The following NCAM2 variants were observed in gnomAD, a reference collection of about 807,000 sequenced individuals.
NCAM2 encodes the protein neural cell adhesion molecule 2.
Under a neutral mutation model 98.1 loss-of-function variants are expected in NCAM2, and 30 were observed. The observed-to-expected ratio is 0.31, with a 90% confidence interval of 0.23 to 0.41. The LOEUF (loss-of-function observed/expected upper bound fraction) is 0.41. Ranked by LOEUF, NCAM2 falls within the 10% of genes least tolerant of loss-of-function variation. NCAM2 has a pLI of 1.00. For missense variants in NCAM2, 867 were observed against 1,005.8 expected (o/e 0.86, Z 1.87); for synonymous variants, 368 against 342.4 (o/e 1.07, Z -0.83).
rs1990115696 is a variant in NCAM2, at chr21:21,538,821, T to C, written c.*864T>C. ...TTTATAAATATGTGATTATCATTTATTTTTAAAATAATTTATCAAAAAACA... is the reference window on the plus strand; with the variant it reads ...TTTATAAATATGTGATTATCATTTACTTTTAAAATAATTTATCAAAAAACA... On this transcript the variant is annotated 3_prime_UTR_variant, in exon 18 of 18. Transcript: ENST00000400546. The C allele has an allele frequency of 6.6e-6, 1 of 152,124 alleles. No individual in the cohort carries two copies. The highest frequency in any genetic ancestry group is 2.1e-4 in the South Asian group (1 of 4,826). The allele number at this position is 152,124 out of a possible 1,614,324, so 9.4% of individuals were successfully genotyped here.
In NCAM2 at chr21:21,338,395, C is replaced by G; in HGVS notation, c.905C>G (p.Pro302Arg). 6.2e-7 allele frequency: 1 copy of G among 1,610,396 alleles called. No homozygotes were observed. The highest frequency in any genetic ancestry group is 8.5e-7 in the Non-Finnish European group (1 of 1,177,252). Residue 302 changes from proline (P) to arginine (R), a missense_variant, in exon 8 of 18, where the codon CCT becomes CGT. Physicochemically the swap from Pro to Arg is moderately radical, Grantham distance 103. Coordinates refer to ENST00000400546, the MANE Select transcript of NCAM2 (RefSeq NM_004540.5). ...KQAFLQVFVQ[P>R]HIIQLKNETT... is the part of the protein sequence containing the mutation. ...ATATATATATTCTTTACAGTACAGC[C>G]TCACATAATACAGCTTAAAAATGAA...
rs577136022 is a variant in NCAM2, at chr21:21,079,579, T to G, written c.55+80961T>G. Among the ~76,000 whole-genome samples the G allele has an allele frequency of 1.1e-4, 17 of 150,852 alleles. No individual in the cohort carries two copies. In the South Asian group the frequency reaches 3.6e-3, roughly 32 times the overall value. ...TTTTAGTGAAAATTCTCTTGCCCCC[T>G]TTTTTTTTAGCCACTGCATTCTTTT... On this transcript the variant is annotated intron_variant, in intron 1 of 17. Coordinates refer to ENST00000400546, the MANE Select transcript of NCAM2 (RefSeq NM_004540.5).
intron 16 of NCAM2, among the ~76,000 whole-genome samples, chr21:21,515,645 T>A (rs1988668943): frequency 6.6e-6 from 1 of 152,164 alleles, no homozygotes; most frequent in African/African-American, 2.4e-5. Context: ...ATAGAATTAA[T>A]TCAGTGGAAA....
intron 8 of NCAM2, among the ~76,000 whole-genome samples, chr21:21,351,916 T>A (rs1043038015): frequency 8.6e-4 from 131 of 152,230 alleles, no homozygotes; most frequent in African/African-American, 3.0e-3. Flanking sequence ...CCGGCTAATT[T>A]TTTTATTATT....
chr21:21,265,703 A>T (rs923918166), intron 1 of NCAM2, among the ~76,000 whole-genome samples: 1 of 151,764 alleles, frequency 6.6e-6, no homozygotes, highest in Admixed American at 6.6e-5. Context: ...AGTGGGAGCT[A>T]AGCAACGGAT....
In NCAM2 at chr21:21,286,211, T is replaced by C; in HGVS notation, c.338-58T>C. The C allele has an allele frequency of 2.7e-6, 4 of 1,472,038 alleles. No homozygotes were observed. The South Asian group carries it at 5.0e-5, about 19-fold the overall frequency. 91.2% of individuals were successfully genotyped at this position (1,472,038 alleles called of 1,614,324 possible). Reference sequence around the variant, plus strand: ...GTCTGGATTATGTTATTGGGAGAAATAAGCAATGATACTTTTGTGATTTGT... The same window carrying C: ...GTCTGGATTATGTTATTGGGAGAAACAAGCAATGATACTTTTGTGATTTGT... On this transcript the variant is annotated intron_variant, in intron 3 of 17. Coordinates refer to ENST00000400546, the MANE Select transcript of NCAM2 (RefSeq NM_004540.5).
At chr21:21,537,751 G>T in intron 17 of NCAM2, 95 bp from the exon 18 acceptor site, 1 of 545,468 alleles carries the variant, frequency 1.8e-6, no homozygotes, top group Admixed American at 3.6e-5. Context: ...GCATATTATT[G>T]GAGCATATTT....
chr21:21,524,776 C>A (rs1461563941), intron 16 of NCAM2, among the ~76,000 whole-genome samples: 1 of 151,986 alleles, frequency 6.6e-6, no homozygotes, highest in Non-Finnish European at 1.5e-5. Flanking sequence ...ATATGACACA[C>A]TTTAAAACAT....
chr21:21,318,372 T>C (rs1467738594), intron 5 of NCAM2, among the ~76,000 whole-genome samples: 1 of 152,172 alleles, frequency 6.6e-6, no homozygotes, highest in Non-Finnish European at 1.5e-5. Flanking sequence ...AGACTTCTTT[T>C]GACAAAAATA....
chr21:21,150,377 T>G (rs1428050843), intron 1 of NCAM2, among the ~76,000 whole-genome samples: 8 of 152,262 alleles, frequency 5.3e-5, no homozygotes, highest in African/African-American at 1.9e-4. Context: ...CCAGAAAAAT[T>G]GTGAATAGAG....
At chr21:21,268,499 C>G (rs917326446) in intron 1 of NCAM2, among the ~76,000 whole-genome samples, 18 of 152,142 alleles carry the variant, frequency 1.2e-4, no homozygotes, top group African/African-American at 3.9e-4. Context: ...GCTGTTTTCT[C>G]TCTCTCAAAC....
chr21:21,056,474 A>G (rs1313340410), intron 1 of NCAM2, among the ~76,000 whole-genome samples: 3 of 145,836 alleles, frequency 2.1e-5, no homozygotes, highest in African/African-American at 5.1e-5. Context: ...GTTTAGAGCA[A>G]GTGACAGAGA....
Position 21,125,753 on chromosome 21 carries a change from A to G in NCAM2, c.55+127135A>G, listed in dbSNP as rs558856387. 2.7e-5 allele frequency among the ~76,000 whole-genome samples: 4 copies of G among 147,732 alleles called. No individual in the cohort carries two copies. The East Asian group carries it at 7.8e-4, about 29-fold the overall frequency. On this transcript the variant is annotated intron_variant, in intron 1 of 17. Coordinates refer to ENST00000400546, the MANE Select transcript of NCAM2 (RefSeq NM_004540.5). Reference sequence around the variant, plus strand: ...TTGAGGTTTTCCAGGAAAAGTAGAAACCACATATTCTTTTTTTTCAAACAA... The same window carrying G: ...TTGAGGTTTTCCAGGAAAAGTAGAAGCCACATATTCTTTTTTTTCAAACAA...
intron 1 of NCAM2, among the ~76,000 whole-genome samples, chr21:21,060,206 A>G (rs1329435971): frequency 6.6e-6 from 1 of 152,132 alleles, no homozygotes. Flanking sequence ...TGAAAAAGGT[A>G]GTATTTTGAT....
chr21:21,468,450 C>T (rs1984005008), intron 13 of NCAM2, among the ~76,000 whole-genome samples: 1 of 151,938 alleles, frequency 6.6e-6, no homozygotes, highest in African/African-American at 2.4e-5. Flanking sequence ...CCTCAGGCTA[C>T]AGTTTTGGCA....
chr21:21,159,926 T>C (rs1313024435), intron 1 of NCAM2, among the ~76,000 whole-genome samples: 1 of 151,938 alleles, frequency 6.6e-6, no homozygotes, highest in Non-Finnish European at 1.5e-5. Flanking sequence ...TTGGTCTGGG[T>C]GAGAGATACG....
intron 15 of NCAM2, among the ~76,000 whole-genome samples, chr21:21,485,006 TG>T (rs930283923): frequency 4.6e-5 from 7 of 151,864 alleles, no homozygotes; most frequent in East Asian, 3.9e-4. Context: ...TCACTACTAT[TG>T]TTTTTTTTAC....
chr21:21,143,354 CAT>C (rs947106004), intron 1 of NCAM2, among the ~76,000 whole-genome samples: 2 of 152,196 alleles, frequency 1.3e-5, no homozygotes, highest in Admixed American at 6.5e-5. Flanking sequence ...CTTTATTAAA[CAT>C]ATTAACTCTG....
chr21:21,502,561 A>G (rs78783552), intron 15 of NCAM2, among the ~76,000 whole-genome samples: 2,748 of 152,036 alleles, frequency 0.018, 35 homozygotes, highest in Non-Finnish European at 0.025. Flanking sequence ...TGTATTTGCT[A>G]TAGACTTAGG....
Sources: allele counts gnomAD v4.1 joint callset (sites outside exome capture counted in the v4.1 genomes callset), GRCh38; gene constraint gnomAD v4.1.1; transcripts MANE v1.5; gene names NCBI Gene and HGNC (gene_info 2026-07-23, HGNC 2026-07-21).